The following PRDM15 variants were observed in gnomAD, a reference collection of about 807,000 sequenced individuals.
The protein encoded by PRDM15 is PR/SET domain 15.
In PRDM15, 64 loss-of-function variants were observed where a neutral mutation model predicts 128.6. That is an observed-to-expected ratio of 0.50 (90% confidence interval 0.41 to 0.61). The LOEUF is 0.61. Ranked by LOEUF, PRDM15 falls within the 20% of genes least tolerant of loss-of-function variation. PRDM15 has a pLI of 0.00. For synonymous variants in PRDM15, 615 were observed against 621.8 expected (o/e 0.99, Z 0.16); for missense variants, 1,242 against 1,569.1 (o/e 0.79, Z 3.52).
intron 14 of PRDM15, 140 bp from the exon 15 acceptor site, chr21:41,822,177 A>C: frequency 8.4e-7 from 1 of 1,189,612 alleles, no homozygotes; most frequent in Non-Finnish European, 1.2e-6. Flanking sequence ...CTAACGAGCT[A>C]CACTTGTGCC....
rs188310667 is a variant in PRDM15, at chr21:41,859,310, C to A, written c.131+282G>T. On this transcript the variant is annotated intron_variant, in intron 3 of 23. Transcript: ENST00000398548. This position sits in a 1 kb window ranked among gnomAD's most constrained non-coding sequence, Gnocchi z 5.3. ...CACGTCAACCACCTTGGCAAGTCCA[C>A]TCTTCTGCAGCCTCCACACACTGTG... 2,059 of 1,297,914 alleles carry A rather than the reference C, an allele frequency of 1.6e-3. 20 individuals are homozygous for A. The highest frequency in any genetic ancestry group is 8.1e-3 in the South Asian group (615 of 76,342). The allele number at this position is 1,297,914 out of a possible 1,614,324, so 80.4% of individuals were successfully genotyped here.
At chr21:41,844,327 A>T (rs2063163147) in intron 6 of PRDM15, among the ~76,000 whole-genome samples, 1 of 151,824 alleles carries the variant, frequency 6.6e-6, no homozygotes, top group African/African-American at 2.4e-5. Flanking sequence ...TCCGCCCTCA[A>T]GAGAACACAC....
chr21:41,826,035 T>C lies in PRDM15; in HGVS notation c.1554A>G (p.Arg518=). Reference sequence around the variant, plus strand: ...TCTCCCCACCGGCCTCCAGGTCCTCTCGCTTCACTCGCCGCACTCCTGAAA... The same window carrying C: ...TCTCCCCACCGGCCTCCAGGTCCTCCCGCTTCACTCGCCGCACTCCTGAAA... ...RHLEGVRRVK[R]EDLEAGGENL... Residue 518 remains arginine (R), a synonymous_variant, in exon 13 of 24, where the codon CGA becomes CGG. Transcript: ENST00000398548. 1 of 1,614,148 alleles carries C rather than the reference T, an allele frequency of 6.2e-7. No homozygotes were observed. Among genetic ancestry groups the C allele is most frequent in the Non-Finnish European group, 8.5e-7 (1 of 1,179,992 alleles).
intron 7 of PRDM15, 125 bp downstream of exon 7, chr21:41,839,498 C>T (rs188429049): frequency 1.2e-4 from 89 of 728,806 alleles, no homozygotes; most frequent in African/African-American, 1.2e-3. Context: ...TTAGAGTCTA[C>T]CTTCCACGAG....
rs980570941 is a variant in PRDM15 at position 41,847,167 on chromosome 21, G to T, written c.563C>A (p.Ala188Asp). The T allele has an allele frequency of 5.1e-6, 8 of 1,553,928 alleles. No individual in the cohort carries two copies. Among genetic ancestry groups the T allele is most frequent in the African/African-American group, 1.4e-5 (1 of 73,394 alleles). Reference protein sequence around the residue: ...VHAAGTPENSAPVESEPSQWA... With the variant: ...VHAAGTPENSDPVESEPSQWA... ...CTGGCTGGGCTCCGACTCCACGGGG[G>T]CGCTGTTTTCTGGGGTGCCTGCAGC... Residue 188 changes from alanine to aspartate, a missense_variant, in exon 6 of 24, where the codon GCC becomes GAC. This residue lies in a region of PRDM15 where 612 missense variants were observed against 717.0 expected (regional missense o/e 0.85). Coordinates refer to ENST00000398548, the MANE Select transcript of PRDM15 (RefSeq NM_001040424.3).
intron 21 of PRDM15, among the ~76,000 whole-genome samples, chr21:41,808,172 G>A (rs776043004): frequency 4.6e-5 from 7 of 152,190 alleles, no homozygotes; most frequent in Non-Finnish European, 1.0e-4. Flanking sequence ...CCTTGCTCAC[G>A]GGCTGCTGGG....
At chr21:41,836,839 A>C in intron 8 of PRDM15, 190 bp from the exon 9 acceptor site, 5 of 491,224 alleles carry the variant, frequency 1.0e-5, no homozygotes, top group East Asian at 3.4e-5. Flanking sequence ...TGAATATATA[A>C]TGACATTAGG....
At chr21:41,857,654 G>A (rs1387212550) in intron 3 of PRDM15, among the ~76,000 whole-genome samples, 4 of 152,280 alleles carry the variant, frequency 2.6e-5, no homozygotes, top group Admixed American at 1.3e-4. Flanking sequence ...CCAGCTACTC[G>A]GGAGGCTAAA....
In PRDM15 at chr21:41,873,398, C is replaced by G. The variant is rs566644375; in HGVS notation, c.-10+5872G>C. ...CCACTGGTCACTTTCACTCCGAACGCCCAATGTCCAAGGAAGGACTCCATG... is the reference window on the plus strand; with the variant it reads ...CCACTGGTCACTTTCACTCCGAACGGCCAATGTCCAAGGAAGGACTCCATG... On this transcript the variant is annotated intron_variant, in intron 1 of 23. Coordinates refer to ENST00000398548, the MANE Select transcript of PRDM15 (RefSeq NM_001040424.3). Among the ~76,000 whole-genome samples the G allele has an allele frequency of 4.6e-5, 7 of 152,344 alleles. No individual in the cohort carries two copies. The East Asian group carries it at 1.2e-3, about 25-fold the overall frequency.
chr21:41,830,010 A>G (rs1023514404), intron 11 of PRDM15, among the ~76,000 whole-genome samples: 91 of 151,692 alleles, frequency 6.0e-4, no homozygotes, highest in African/African-American at 2.1e-3. Flanking sequence ...ACACAAACAC[A>G]CATACTCAAC....
chr21:41,836,512 A>T lies in PRDM15; in HGVS notation c.1139T>A (p.Ile380Asn). Reference protein sequence around the residue: ...RVYQCNICSKIFQNSSNLSRH... With the variant: ...RVYQCNICSKNFQNSSNLSRH... ...GCTCAGGTTGCTGCTGTTCTGGAAG[A>T]TCTTGCTGCAGATATTGCACTGGTA... The change falls in exon 9 of 24, where the codon ATC becomes AAC. Residue 380 changes from isoleucine to asparagine, a missense_variant. By Grantham distance (149) the Ile-to-Asn change is moderately radical. Coordinates refer to ENST00000398548, the MANE Select transcript of PRDM15 (RefSeq NM_001040424.3). The T allele has an allele frequency of 6.2e-7, 1 of 1,612,242 alleles. No homozygotes were observed. The highest frequency in any genetic ancestry group is 8.5e-7 in the Non-Finnish European group (1 of 1,179,876).
intron 1 of PRDM15, among the ~76,000 whole-genome samples, chr21:41,867,801 A>G (rs2145982852): frequency 6.6e-6 from 1 of 152,316 alleles, no homozygotes; most frequent in African/African-American, 2.4e-5. Flanking sequence ...TCATGCTTGT[A>G]ATCCCAGCAG....
chr21:41,860,643 G>A (rs974056518), intron 1 of PRDM15, among the ~76,000 whole-genome samples: 2 of 152,076 alleles, frequency 1.3e-5, no homozygotes, highest in Non-Finnish European at 2.9e-5. Context: ...GGCTGGTCTC[G>A]ATCTCTTGAC....
At chr21:41,843,950 T>TAAAA (rs1555883669) in intron 6 of PRDM15, among the ~76,000 whole-genome samples, 3 of 123,248 alleles carry the variant, frequency 2.4e-5, no homozygotes, top group Admixed American at 8.4e-5. Flanking sequence ...CCTTGTATTG[T>TAAAA]AAAAAAAAAA....
chr21:41,860,444 G>A (rs2145913268), intron 1 of PRDM15, 72 bp from the exon 2 acceptor site: 1 of 1,355,158 alleles, frequency 7.4e-7, no homozygotes, highest in Non-Finnish European at 1.1e-6. Context: ...TTTTGAAATT[G>A]AGCTCCCTCT....
At chr21:41,869,890 C>T (rs1009995458) in intron 1 of PRDM15, among the ~76,000 whole-genome samples, 4 of 152,250 alleles carry the variant, frequency 2.6e-5, no homozygotes, top group African/African-American at 9.6e-5. Context: ...GGCTTCTGCG[C>T]CTCTGTCAAA....
Position 41,802,883 on chromosome 21 carries a change from C to T in PRDM15, c.2772G>A (p.Gly924=). ...TTCGCTTGGCAGCTTTCCCGTGCTT[C>T]CCTTCGGCCAAATCCTCCTGCTCCA... The part of the protein sequence containing the change: ...LTLEQEDLAE[G]KHGKAAKRSH... The change falls in exon 23 of 24, where the codon GGG becomes GGA. Residue 924 remains glycine (G), a synonymous_variant. Coordinates refer to ENST00000398548, the MANE Select transcript of PRDM15 (RefSeq NM_001040424.3). The T allele has an allele frequency of 6.2e-7, 1 of 1,614,102 alleles. No homozygotes were observed. Among genetic ancestry groups the T allele is most frequent in the Non-Finnish European group, 8.5e-7 (1 of 1,180,032 alleles).
At position 41,867,152 on chromosome 21, in the gene PRDM15, G is replaced by C. The variant is rs566503434; in HGVS notation, c.-9-6780C>G. On this transcript the variant is annotated intron_variant, in intron 1 of 23. Coordinates refer to ENST00000398548, the MANE Select transcript of PRDM15 (RefSeq NM_001040424.3). ...GCCCAGAAAGCCCAGAAACCTCACT[G>C]ACTATCTGAGTTTTGCACAGATTTT... 2.2e-4 allele frequency: 135 copies of C among 622,604 alleles called. No homozygotes were observed. In the South Asian group the frequency reaches 2.4e-3, roughly 11 times the overall value. The allele number at this position is 622,604 out of a possible 1,614,324, so 38.6% of individuals were successfully genotyped here.
chr21:41,828,335 T>C lies in PRDM15; in HGVS notation c.1367-2A>G, dbSNP rs1158782438. ...TCTCACATTGGAACGTCTTGTCATC[T>C]GTCCAGAGAGCAAACAAACACACAA... is the stretch of plus-strand genomic sequence containing the variant. On this transcript the variant is annotated splice_acceptor_variant, in intron 11 of 23. Coordinates refer to ENST00000398548, the MANE Select transcript of PRDM15 (RefSeq NM_001040424.3). LOFTEE classifies it high-confidence loss of function. The surrounding 1 kb of genome is among the most constrained non-coding windows in gnomAD (Gnocchi z 5.7). 1 of 1,613,862 alleles carries C rather than the reference T, an allele frequency of 6.2e-7. No individual in the cohort carries two copies. Among genetic ancestry groups the C allele is most frequent in the Non-Finnish European group, 8.5e-7 (1 of 1,179,932 alleles).
Sources: allele counts gnomAD v4.1 joint callset (sites outside exome capture counted in the v4.1 genomes callset), GRCh38; gene constraint gnomAD v4.1.1; regional missense constraint gnomAD v4.1.1; non-coding constraint Gnocchi (gnomAD v3.1); transcripts MANE v1.5; gene names NCBI Gene and HGNC (gene_info 2026-07-23, HGNC 2026-07-21).